The following EEIG2 variants were observed in gnomAD, a reference collection of about 807,000 sequenced individuals.
EEIG2 encodes the protein EEIG family member 2.
At chr1:108,630,343 C>G in the EEIG2 span, among the ~76,000 whole-genome samples, 4 of 152,146 alleles carry the variant, frequency 2.6e-5, no homozygotes, top group African/African-American at 9.7e-5. Context: ...CCAAACACCG[C>G]TTGTTCTCAC....
chr1:108,615,993 C>T, the EEIG2 span, among the ~76,000 whole-genome samples: 3 of 152,018 alleles, frequency 2.0e-5, no homozygotes, highest in African/African-American at 7.2e-5. Flanking sequence ...AGGATTATTA[C>T]TGGTAAATTA....
At chr1:108,582,596 G>A in the EEIG2 span, among the ~76,000 whole-genome samples, 1 of 152,152 alleles carries the variant, frequency 6.6e-6, no homozygotes, top group African/African-American at 2.4e-5. Flanking sequence ...ATTTTAGCCA[G>A]TGAGTTTTAT....
chr1:108,576,763 G>T, the EEIG2 span, among the ~76,000 whole-genome samples: 17 of 149,590 alleles, frequency 1.1e-4, no homozygotes, highest in African/African-American at 4.2e-4. Context: ...ACATACGTGT[G>T]CATGTGTCTT....
chr1:108,563,581 G>A, the EEIG2 span, among the ~76,000 whole-genome samples: 1 of 152,092 alleles, frequency 6.6e-6, no homozygotes, highest in Admixed American at 6.6e-5. Flanking sequence ...TATAAATAGA[G>A]AGACCCAAAT....
At chr1:108,587,448 A>G in the EEIG2 span, among the ~76,000 whole-genome samples, 4 of 152,136 alleles carry the variant, frequency 2.6e-5, no homozygotes, top group Non-Finnish European at 5.9e-5. Context: ...AGTTTACGTT[A>G]GGCTTCACAC....
At chr1:108,632,987 GT>G in the EEIG2 span, among the ~76,000 whole-genome samples, 1 of 141,762 alleles carries the variant, frequency 7.1e-6, no homozygotes, top group African/African-American at 2.6e-5. Flanking sequence ...GTCTCACTGT[GT>G]TGCCCAGGCT....
chr1:108,635,297 CGCCATCCTGTACCAGCCACCAAA>C, the EEIG2 span: 3 of 958,890 alleles, frequency 3.1e-6, no homozygotes, highest in African/African-American at 4.9e-5. Flanking sequence ...AAGGACCCAC[CGCCATCCTGTACCAGCCACCAAA>C]GGGGAACATC....
At chr1:108,612,813 A>G in the EEIG2 span, among the ~76,000 whole-genome samples, 1 of 152,206 alleles carries the variant, frequency 6.6e-6, no homozygotes, top group Non-Finnish European at 1.5e-5. Flanking sequence ...AATGAGATTA[A>G]TTGAGAAAAT....
chr1:108,582,011 C>T, the EEIG2 span, among the ~76,000 whole-genome samples: 2 of 152,096 alleles, frequency 1.3e-5, no homozygotes, highest in East Asian at 1.9e-4. Context: ...CCACCCCAAC[C>T]CTTAACAACC....
At chr1:108,630,669 T>A in the EEIG2 span, among the ~76,000 whole-genome samples, 1 of 152,222 alleles carries the variant, frequency 6.6e-6, no homozygotes, top group Non-Finnish European at 1.5e-5. Context: ...TTACATTGAT[T>A]ATCAGCACTG....
At chr1:108,602,879 A>T in the EEIG2 span, among the ~76,000 whole-genome samples, 1 of 152,140 alleles carries the variant, frequency 6.6e-6, no homozygotes, top group Non-Finnish European at 1.5e-5. Context: ...GTCTCAAAAA[A>T]AAAAAGAAGA....
the EEIG2 span, among the ~76,000 whole-genome samples, chr1:108,593,041 C>G: frequency 6.6e-6 from 1 of 152,118 alleles, no homozygotes. Context: ...ACCTGTAGTC[C>G]TAGCTACTCG....
the EEIG2 span, among the ~76,000 whole-genome samples, chr1:108,572,500 A>G: frequency 5.3e-5 from 8 of 152,224 alleles, no homozygotes; most frequent in Non-Finnish European, 7.4e-5. Context: ...AGTATCTAAT[A>G]ACATGTGTTC....
At chr1:108,589,915 C>G in the EEIG2 span, among the ~76,000 whole-genome samples, 3 of 151,374 alleles carry the variant, frequency 2.0e-5, no homozygotes, top group African/African-American at 7.3e-5. Flanking sequence ...CTCAGCCTCC[C>G]AAGTAGCTAG....
At chr1:108,622,108 G>T in the EEIG2 span, among the ~76,000 whole-genome samples, 2 of 152,308 alleles carry the variant, frequency 1.3e-5, no homozygotes, top group Admixed American at 1.3e-4. Context: ...AGTGAGCCGA[G>T]AGTGCGCCAT....
the EEIG2 span, among the ~76,000 whole-genome samples, chr1:108,611,831 G>A: frequency 1.3e-5 from 2 of 152,124 alleles, no homozygotes; most frequent in South Asian, 4.1e-4. Flanking sequence ...ACAGGGTGGT[G>A]TAAATACCAC....
the EEIG2 span, among the ~76,000 whole-genome samples, chr1:108,588,670 C>T: frequency 6.8e-6 from 1 of 147,402 alleles, no homozygotes; most frequent in Non-Finnish European, 1.5e-5. Flanking sequence ...TAGTGTTTGT[C>T]TTCTTTTGAG....
the EEIG2 span, chr1:108,635,126 T>A: frequency 8.7e-5 from 140 of 1,614,040 alleles, 1 homozygote; most frequent in Non-Finnish European, 1.1e-5. Flanking sequence ...CTGGAGCTTA[T>A]GAACAAGTTG....
chr1:108,598,334 CAAAAAAAAAAAA>C, the EEIG2 span, among the ~76,000 whole-genome samples: 32 of 91,882 alleles, frequency 3.5e-4, no homozygotes, highest in Non-Finnish European at 2.7e-4. Flanking sequence ...ACCCTGTATC[CAAAAAAAAAAAA>C]AAAAAAAAAA....
Sources: allele counts gnomAD v4.1 joint callset (sites outside exome capture counted in the v4.1 genomes callset), GRCh38; gene constraint gnomAD v4.1.1; transcripts MANE v1.5; gene names NCBI Gene and HGNC (gene_info 2026-07-23, HGNC 2026-07-21).